The following METTL8 variants were observed in gnomAD, a reference collection of about 807,000 sequenced individuals.
METTL8 encodes tRNA N(3)-cytidine methyltransferase METTL8, mitochondrial.
In METTL8, 32 loss-of-function variants were observed where a neutral mutation model predicts 48.7. The ratio of observed to expected loss-of-function variants is 0.66; its 90% CI spans 0.50 to 0.88. The LOEUF (loss-of-function observed/expected upper bound fraction) is 0.88. METTL8 is among the 40% of genes least tolerant of loss of function. The pLI is 0.00. For synonymous variants in METTL8, 136 were observed against 157.1 expected (o/e 0.87, Z 1.01); for missense variants, 464 against 474.4 (o/e 0.98, Z 0.20).
chr2:171,369,844 G>A (rs1174701237), intron 2 of METTL8, among the ~76,000 whole-genome samples: 1 of 152,100 alleles, frequency 6.6e-6, no homozygotes, highest in African/African-American at 2.4e-5. Flanking sequence ...AAGGCGGGCG[G>A]ATCATGAGGT....
intron 1 of METTL8, among the ~76,000 whole-genome samples, chr2:171,397,423 C>T (rs991238243): frequency 6.9e-6 from 1 of 144,518 alleles, no homozygotes; most frequent in Non-Finnish European, 1.5e-5. Flanking sequence ...CAAAATTAGC[C>T]AGTGCCTGTA....
Position 171,392,335 on chromosome 2 carries a change from A to G in METTL8, c.-12-138T>C, listed in dbSNP as rs996393843. Reference sequence around the variant, plus strand: ...AGAAACTTTTTAATGAAAGATGAGCATAACAGCTTCTCTCCTGAAGTATAT... The same window carrying G: ...AGAAACTTTTTAATGAAAGATGAGCGTAACAGCTTCTCTCCTGAAGTATAT... On this transcript the variant is annotated intron_variant, in intron 1 of 9. Transcript: ENST00000375258. 10 of 641,016 alleles carry G rather than the reference A, an allele frequency of 1.6e-5. No individual in the cohort carries two copies. The South Asian group carries it at 2.1e-4, about 14-fold the overall frequency. The allele number at this position is 641,016 out of a possible 1,614,324, so 39.7% of individuals were successfully genotyped here.
chr2:171,322,379 G>A lies in METTL8; in HGVS notation c.*1793C>T, dbSNP rs1299966316. The A allele has an allele frequency of 1.3e-5, 2 of 152,136 alleles. No homozygotes were observed. Among genetic ancestry groups the A allele is most frequent in the Non-Finnish European group, 2.9e-5 (2 of 68,034 alleles). 9.4% of individuals were successfully genotyped at this position (152,136 alleles called of 1,614,324 possible). On this transcript the variant is annotated 3_prime_UTR_variant, in exon 10 of 10. Coordinates refer to ENST00000375258, the MANE Select transcript of METTL8 (RefSeq NM_001321154.2). ...GAAAGGGTCTGGATCCAGACGCCAAGAGAGGATTCTTGGATCTTGTGCAAG... is the reference window on the plus strand; with the variant it reads ...GAAAGGGTCTGGATCCAGACGCCAAAAGAGGATTCTTGGATCTTGTGCAAG...
intron 7 of METTL8, among the ~76,000 whole-genome samples, chr2:171,330,049 T>A (rs1297102889): frequency 3.3e-5 from 5 of 152,214 alleles, no homozygotes; most frequent in Non-Finnish European, 5.9e-5. Flanking sequence ...TAACCTTAGA[T>A]CATAAAGGTC....
intron 1 of METTL8, among the ~76,000 whole-genome samples, chr2:171,402,402 T>C (rs1427517341): frequency 6.6e-6 from 1 of 152,166 alleles, no homozygotes; most frequent in Non-Finnish European, 1.5e-5. Context: ...AAATCAGAAT[T>C]GAACAATTAG....
chr2:171,357,821 A>C (rs919130193), intron 3 of METTL8, among the ~76,000 whole-genome samples: 18 of 152,040 alleles, frequency 1.2e-4, no homozygotes, highest in African/African-American at 4.1e-4. Context: ...CAGCCCCCTG[A>C]GTAGCTGGGA....
At chr2:171,383,246 T>C (rs1035783450) in intron 2 of METTL8, among the ~76,000 whole-genome samples, 1 of 152,128 alleles carries the variant, frequency 6.6e-6, no homozygotes, top group African/African-American at 2.4e-5. Flanking sequence ...CCATTGAGAT[T>C]CTGTAAACTG....
At chr2:171,423,242 C>G (rs1439080724) in intron 1 of METTL8, among the ~76,000 whole-genome samples, 4 of 152,146 alleles carry the variant, frequency 2.6e-5, no homozygotes, top group Non-Finnish European at 5.9e-5. Flanking sequence ...ATAAATTACC[C>G]AGTCTCAGGT....
chr2:171,344,129 C>T (rs1191109225), intron 3 of METTL8, among the ~76,000 whole-genome samples: 1 of 152,096 alleles, frequency 6.6e-6, no homozygotes, highest in East Asian at 1.9e-4. Context: ...TTAAAAATGA[C>T]AAGAATAACA....
chr2:171,429,415 A>G (rs1574265812), intron 1 of METTL8, among the ~76,000 whole-genome samples: 1 of 152,212 alleles, frequency 6.6e-6, no homozygotes, highest in Non-Finnish European at 1.5e-5. Context: ...TAATCTCTCA[A>G]CACAAGGGCA....
At chr2:171,432,283 T>C (rs988768199) in intron 1 of METTL8, among the ~76,000 whole-genome samples, 3 of 151,442 alleles carry the variant, frequency 2.0e-5, no homozygotes, top group Admixed American at 1.3e-4. Flanking sequence ...TACTTAATAA[T>C]GTGATAAAAA....
chr2:171,401,780 G>A (rs536898974), intron 1 of METTL8, among the ~76,000 whole-genome samples: 5 of 152,082 alleles, frequency 3.3e-5, no homozygotes, highest in Admixed American at 6.6e-5. Context: ...TACGGAAGAA[G>A]GAAAAAAGCC....
At chr2:171,354,280 A>G (rs991734554) in intron 3 of METTL8, among the ~76,000 whole-genome samples, 4 of 152,218 alleles carry the variant, frequency 2.6e-5, no homozygotes, top group Non-Finnish European at 5.9e-5. Context: ...AATGTTGAAT[A>G]TCGGCCCCCA....
At chr2:171,386,841 C>G (rs568729214) in intron 2 of METTL8, among the ~76,000 whole-genome samples, 10 of 152,210 alleles carry the variant, frequency 6.6e-5, no homozygotes, top group African/African-American at 1.2e-4. Flanking sequence ...CCCCTCCCCC[C>G]AGACCCCAGC....
intron 9 of METTL8, among the ~76,000 whole-genome samples, chr2:171,324,638 A>G (rs1037863022): frequency 6.6e-6 from 1 of 152,236 alleles, no homozygotes; most frequent in Non-Finnish European, 1.5e-5. Flanking sequence ...ATATTTTGAA[A>G]GGTGCTCCCT....
intron 2 of METTL8, among the ~76,000 whole-genome samples, chr2:171,368,326 T>C (rs1467540476): frequency 6.6e-6 from 1 of 152,230 alleles, no homozygotes; most frequent in Non-Finnish European, 1.5e-5. Context: ...TTTCATGGAA[T>C]GCTATTTTTA....
intron 2 of METTL8, among the ~76,000 whole-genome samples, chr2:171,374,095 ATTCTTCCTATCCATGAGCATGGAATG>A (rs1686685060): frequency 6.6e-6 from 1 of 152,148 alleles, no homozygotes; most frequent in Non-Finnish European, 1.5e-5. Flanking sequence ...CACGCTATTG[ATTCTTCCTATCCATGAGCATGGAATG>A]TTCTTCCATT....
At chr2:171,403,527 TG>T (rs1397715265) in intron 1 of METTL8, among the ~76,000 whole-genome samples, 1 of 152,090 alleles carries the variant, frequency 6.6e-6, no homozygotes, top group Non-Finnish European at 1.5e-5. Flanking sequence ...GATGGAATCC[TG>T]GAACTCAAAA....
At chr2:171,424,669 G>A (rs1207811626) in intron 1 of METTL8, among the ~76,000 whole-genome samples, 1 of 152,180 alleles carries the variant, frequency 6.6e-6, no homozygotes, top group Non-Finnish European at 1.5e-5. Flanking sequence ...CCCAATGCCT[G>A]TACCCCCATT....
Sources: gnomAD v4.1 joint callset for allele counts (sites outside exome capture counted in the v4.1 genomes callset) on GRCh38, gnomAD v4.1.1 for gene constraint, MANE v1.5 for transcripts, NCBI Gene and HGNC (gene_info 2026-07-23, HGNC 2026-07-21) for gene names.